Variants in ZNFX1 observed in about 807,000 individuals in gnomAD.
ZNFX1 encodes zinc finger NFX1-type containing 1.
A neutral mutation model predicts 179.8 loss-of-function variants in ZNFX1; 78 were observed. The observed-to-expected ratio is 0.43, with a 90% CI of 0.36 to 0.52. The LOEUF (loss-of-function observed/expected upper bound fraction) is 0.52. ZNFX1 is among the 20% of genes least tolerant of loss of function. ZNFX1 has a pLI of 0.00. For synonymous variants in ZNFX1, 848 were observed against 868.5 expected (o/e 0.98, Z 0.42); for missense variants, 1,927 against 2,386.6 (o/e 0.81, Z 4.01).
chr20:49,270,321 G>C lies in ZNFX1; in HGVS notation c.1491C>G (p.Val497=), dbSNP rs1981349839. The change falls in exon 3 of 14, where the codon GTC becomes GTG. Residue 497 remains valine (V), a synonymous_variant. Transcript: ENST00000396105. This position sits in a 1 kb window ranked among gnomAD's most constrained non-coding sequence, Gnocchi z 4.6. The part of the protein sequence containing the change: ...NEQSQQLLAE[V]QPSDSFLMVE... ...CCATGAGGAAAGAGTCAGAGGGCTG[G>C]ACCTCTGCTAGCAGCTGTTGGCTTT... The C allele has an allele frequency of 6.2e-7, 1 of 1,613,972 alleles. No homozygotes were observed. Among genetic ancestry groups the C allele is most frequent in the Non-Finnish European group, 8.5e-7 (1 of 1,180,014 alleles).
At position 49,275,869 on chromosome 20, in the gene ZNFX1, C is replaced by T. The variant is rs1333395688; in HGVS notation, c.-30G>A. The T allele has an allele frequency of 1.9e-6, 3 of 1,612,870 alleles. No homozygotes were observed. The African/African-American group carries it at 4.0e-5, about 22-fold the overall frequency. On this transcript the variant is annotated 5_prime_UTR_variant, in exon 2 of 14. Coordinates refer to ENST00000396105, the MANE Select transcript of ZNFX1 (RefSeq NM_021035.3). ...GAGTCACCTGAATTCCTTCACGTTACTTTCTGTTATCTGGAAAACTGCACA... is the reference window on the plus strand; with the variant it reads ...GAGTCACCTGAATTCCTTCACGTTATTTTCTGTTATCTGGAAAACTGCACA...
chr20:49,270,465 G>C lies in ZNFX1; in HGVS notation c.1347C>G (p.Leu449=). The change falls in exon 3 of 14, where the codon CTC becomes CTG. Residue 449 remains leucine, a synonymous_variant. Transcript: ENST00000396105. The surrounding 1 kb of genome is among the most constrained non-coding windows in gnomAD (Gnocchi z 4.6). ...FVRWQNSKRL[L]YGSLVCMSKD... is the part of the protein sequence containing the mutation. ...TGGACATGCATACCAAAGACCCATA[G>C]AGCAATCGTTTGGAATTCTGCCAGC... 2 of 1,614,208 alleles carry C rather than the reference G, an allele frequency of 1.2e-6. No individual in the cohort carries two copies. The highest frequency in any genetic ancestry group is 1.7e-6 in the Non-Finnish European group (2 of 1,180,050).
chr20:49,252,960 TCA>T lies in ZNFX1; in HGVS notation c.3106-132_3106-131del, dbSNP rs1303162062. ...ATGTGCCAGGCACTATTCTACATACTCACAGTTTAAGGATTAATAATGACAAG... is the reference window on the plus strand; with the variant it reads ...ATGTGCCAGGCACTATTCTACATACTCAGTTTAAGGATTAATAATGACAAG... On this transcript the variant is annotated intron_variant, in intron 11 of 13. Coordinates refer to ENST00000396105, the MANE Select transcript of ZNFX1 (RefSeq NM_021035.3). 5.2e-5 allele frequency: 36 copies of T among 691,078 alleles called. No individual in the cohort carries two copies. In the East Asian group the frequency reaches 9.4e-4, roughly 18 times the overall value. The allele number at this position is 691,078 out of a possible 1,614,324, so 42.8% of individuals were successfully genotyped here. A position where few individuals can be genotyped will look rare whatever the true frequency, so the allele number is the denominator to read the frequency against.
chr20:49,275,379 G>C (rs1303482276), intron 2 of ZNFX1, among the ~76,000 whole-genome samples: 1 of 151,880 alleles, frequency 6.6e-6, no homozygotes, highest in Non-Finnish European at 1.5e-5. Flanking sequence ...ACCCAGGCTG[G>C]AGTGCAGAGG....
chr20:49,253,920 C>A, intron 10 of ZNFX1, 109 bp from the exon 11 acceptor site: 1 of 1,313,796 alleles, frequency 7.6e-7, no homozygotes, highest in Non-Finnish European at 1.1e-6. Context: ...CCTGCATCAG[C>A]GACAGCTGGT....
chr20:49,270,029 C>T lies in ZNFX1; in HGVS notation c.1783G>A (p.Ala595Thr). The T allele has an allele frequency of 6.2e-7, 1 of 1,614,182 alleles. No individual in the cohort carries two copies. The highest frequency in any genetic ancestry group is 8.5e-7 in the Non-Finnish European group (1 of 1,180,024). Residue 595 changes from alanine (A) to threonine (T), a missense_variant, in exon 3 of 14, where the codon GCC (alanine) becomes ACC (threonine). By Grantham distance (58) the Ala-to-Thr change is moderately conservative (BLOSUM62 0). Transcript: ENST00000396105. This position sits in a 1 kb window ranked among gnomAD's most constrained non-coding sequence, Gnocchi z 4.6. ...ATCTGGGAGTCATCCAGCTTCAGGG[C>T]TTCTTTTGAGGGCCACTGGCCAGGA... ...LDPGQWPSKE[A>T]LKLDDSQMEA...
Position 49,270,145 on chromosome 20 carries a change from T to C in ZNFX1, c.1667A>G (p.Asp556Gly). 6.2e-7 allele frequency: 1 copy of C among 1,614,166 alleles called. No individual in the cohort carries two copies. Among genetic ancestry groups the C allele is most frequent in the Non-Finnish European group, 8.5e-7 (1 of 1,180,022 alleles). Reference protein sequence around the residue: ...PRYLLMGGRYDFTPLIENPSA... With the variant: ...PRYLLMGGRYGFTPLIENPSA... ...AGGATTCTCTATTAAGGGGGTAAAG[T>C]CGTATCTGCCCCCCATTAGCAAGTA... is the stretch of plus-strand genomic sequence containing the variant. Residue 556 changes from aspartate (D) to glycine (G), a missense_variant, in exon 3 of 14, where the codon GAC becomes GGC. Asp to Gly is a moderately conservative substitution (Grantham distance 94). Transcript: ENST00000396105. The surrounding 1 kb of genome is among the most constrained non-coding windows in gnomAD (Gnocchi z 4.6).
intron 2 of ZNFX1, among the ~76,000 whole-genome samples, chr20:49,273,649 G>A (rs2146744031): frequency 6.6e-6 from 1 of 152,248 alleles, no homozygotes; most frequent in Middle Eastern, 3.4e-3. Context: ...AACATTCATG[G>A]CCAGGTGTGG....
rs746301877 is a variant in ZNFX1, at chr20:49,252,827, G to A, written c.3109C>T (p.Arg1037Cys). 2.0e-5 allele frequency: 32 copies of A among 1,613,204 alleles called. No homozygotes were observed. The highest frequency in any genetic ancestry group is 1.3e-4 in the East Asian group (6 of 44,894). The change falls in exon 12 of 14, where the codon CGC becomes TGC. Residue 1037 changes from arginine (R) to cysteine (C), a missense_variant. Physicochemically the swap from Arg to Cys is radical, Grantham distance 180 (BLOSUM62 -3). Transcript: ENST00000396105. ...AGATCATACACGTTGGCACTGGGGC[G>A]CAGCTGAGAAGAGAAACATGGCTGA... Reference protein sequence around the residue: ...LILIGDHQQLRPSANVYDLAK... With the variant: ...LILIGDHQQLCPSANVYDLAK...
chr20:49,274,351 T>A (rs768321277), intron 2 of ZNFX1, among the ~76,000 whole-genome samples: 1 of 152,256 alleles, frequency 6.6e-6, no homozygotes, highest in Non-Finnish European at 1.5e-5. Flanking sequence ...ATTATTAAAG[T>A]ATGATAATAA....
intron 2 of ZNFX1, among the ~76,000 whole-genome samples, chr20:49,273,003 T>C (rs1368954308): frequency 3.7e-5 from 3 of 81,648 alleles, no homozygotes; most frequent in Admixed American, 3.1e-4. Context: ...TATACAATGA[T>C]TTGATAAAAA....
At position 49,265,874 on chromosome 20, in the gene ZNFX1, G is replaced by A. The variant is rs188673445; in HGVS notation, c.2002+261C>T. ...GATGGAGAGGGAAAAAACTATTCCA[G>A]GCCAGAGGATGGCATGGGCCAATGG... On this transcript the variant is annotated intron_variant, in intron 4 of 13. Coordinates refer to ENST00000396105, the MANE Select transcript of ZNFX1 (RefSeq NM_021035.3). Among the ~76,000 whole-genome samples the A allele has an allele frequency of 8.5e-5, 13 of 152,330 alleles. No homozygotes were observed. The East Asian group carries it at 2.5e-3, about 29-fold the overall frequency.
rs1338216224 is a variant in ZNFX1, at chr20:49,246,092, G to T, written c.*1175C>A. 1 of 152,366 alleles carries T rather than the reference G, an allele frequency of 6.6e-6. No homozygotes were observed. Among genetic ancestry groups the T allele is most frequent in the East Asian group, 1.9e-4 (1 of 5,200 alleles). The allele number at this position is 152,366 out of a possible 1,614,324, so 9.4% of individuals were successfully genotyped here. On this transcript the variant is annotated 3_prime_UTR_variant, in exon 14 of 14. Transcript: ENST00000396105. The stretch of plus-strand genomic sequence containing the variant: ...TGGGTCTGGCTTCTGGCCTGGGTTT[G>T]GAGCCTGCAGAAGCTGCTGGCATGC...
At chr20:49,272,109 C>T (rs1369719868) in intron 2 of ZNFX1, among the ~76,000 whole-genome samples, 1 of 151,876 alleles carries the variant, frequency 6.6e-6, no homozygotes, top group African/African-American at 2.4e-5. Flanking sequence ...TTGGTTCAAA[C>T]ATTGGCCTGG....
chr20:49,255,751 T>C, intron 9 of ZNFX1, 57 bp downstream of exon 9: 1 of 1,544,188 alleles, frequency 6.5e-7, no homozygotes, highest in Non-Finnish European at 8.7e-7. Context: ...GTGGAGAATG[T>C]TCTAGGAACA....
chr20:49,254,651 T>C lies in ZNFX1; in HGVS notation c.2805-2A>G, dbSNP rs1436367221. The C allele has an allele frequency of 6.2e-7, 1 of 1,612,704 alleles. No individual in the cohort carries two copies. The highest frequency in any genetic ancestry group is 1.3e-5 in the African/African-American group (1 of 74,854). ...GCCTGGTACAACTGTAGCCAGAGCCTGGAGAATGGGAAGAACCAAGGAAAG... is the reference window on the plus strand; with the variant it reads ...GCCTGGTACAACTGTAGCCAGAGCCCGGAGAATGGGAAGAACCAAGGAAAG... On this transcript the variant is annotated splice_acceptor_variant, in intron 9 of 13. Coordinates refer to ENST00000396105, the MANE Select transcript of ZNFX1 (RefSeq NM_021035.3). LOFTEE classifies it high-confidence loss of function.
rs1290397488 is a variant in ZNFX1 at position 49,249,227 on chromosome 20, T to G, written c.3797A>C (p.Asn1266Thr). ...IGPMLRLCCQ[N>T]HPETHTLVSK... ...TACTAAGGTGTGGGTTTCAGGGTGG[T>G]TCTGGCAGCAGAGCCGGAGCATGGG... Residue 1266 changes from asparagine (N) to threonine (T), a missense_variant, in exon 14 of 14, where the codon AAC becomes ACC. By Grantham distance (65) the Asn-to-Thr change is moderately conservative (BLOSUM62 0). Transcript: ENST00000396105. 1 of 1,614,110 alleles carries G rather than the reference T, an allele frequency of 6.2e-7. No homozygotes were observed. Among genetic ancestry groups the G allele is most frequent in the Admixed American group, 1.7e-5 (1 of 60,014 alleles).
chr20:49,255,375 T>C (rs754154086), intron 9 of ZNFX1, among the ~76,000 whole-genome samples: 1 of 151,684 alleles, frequency 6.6e-6, no homozygotes, highest in African/African-American at 2.4e-5. Flanking sequence ...CCTGTAGAGA[T>C]GAGGTCTCAC....
chr20:49,250,119 G>A (rs6122773), intron 13 of ZNFX1, among the ~76,000 whole-genome samples: 66,737 of 151,816 alleles, frequency 0.44, 16,275 homozygotes, highest in Middle Eastern at 0.6. Flanking sequence ...GCTGGGCGTG[G>A]TAGTGGGCGC....
Sources: allele counts gnomAD v4.1 joint callset (sites outside exome capture counted in the v4.1 genomes callset), GRCh38; gene constraint gnomAD v4.1.1; non-coding constraint Gnocchi (gnomAD v3.1); transcripts MANE v1.5; gene names NCBI Gene and HGNC (gene_info 2026-07-23, HGNC 2026-07-21).